The following FCRL5 variants were observed in gnomAD, a reference collection of about 807,000 sequenced individuals.
The protein encoded by FCRL5 is Fc receptor like 5.
A neutral mutation model predicts 92.1 loss-of-function variants in FCRL5; 79 were observed. That is an observed-to-expected ratio of 0.86 (90% CI 0.72 to 1.03). The LOEUF (loss-of-function observed/expected upper bound fraction) is 1.03. FCRL5 is among the 50% of genes least tolerant of loss of function. The pLI is 0.00. For synonymous variants in FCRL5, 466 were observed against 469.3 expected (o/e 0.99, Z 0.09); for missense variants, 1,160 against 1,181.1 (o/e 0.98, Z 0.26).
intron 1 of FCRL5, 96 bp from the exon 2 acceptor site, chr1:157,549,676 C>A (rs1651725691): frequency 1.8e-6 from 2 of 1,087,692 alleles, no homozygotes; most frequent in Non-Finnish European, 2.6e-6. Flanking sequence ...TATTACTTGT[C>A]CCTTTAAAAA....
At chr1:157,537,894 G>A (rs916662315) in intron 7 of FCRL5, among the ~76,000 whole-genome samples, 5 of 152,136 alleles carry the variant, frequency 3.3e-5, no homozygotes, top group African/African-American at 1.2e-4. Context: ...CCTTTCATCT[G>A]CTCCTGCAGC....
At chr1:157,539,062 G>A in intron 7 of FCRL5, 24 bp downstream of exon 7, 1 of 1,606,982 alleles carries the variant, frequency 6.2e-7, no homozygotes, top group Non-Finnish European at 8.5e-7. Flanking sequence ...AGGGGTGGGT[G>A]ATTGGCAGGA....
At chr1:157,545,302 T>C (rs777273939) in intron 3 of FCRL5, among the ~76,000 whole-genome samples, 1 of 152,170 alleles carries the variant, frequency 6.6e-6, no homozygotes, top group Non-Finnish European at 1.5e-5. Flanking sequence ...TCACCACCCA[T>C]GTTTTGGCAT....
intron 5 of FCRL5, among the ~76,000 whole-genome samples, chr1:157,543,727 G>A (rs1005256446): frequency 2.6e-5 from 4 of 152,188 alleles, no homozygotes; most frequent in Admixed American, 6.5e-5. Context: ...TTTGAAGGAA[G>A]GATGGTGCTG....
At chr1:157,524,646 C>A (rs1157154816) in intron 9 of FCRL5, 89 bp from the exon 10 acceptor site, 2 of 1,417,490 alleles carry the variant, frequency 1.4e-6, no homozygotes, top group Non-Finnish European at 1.9e-6. Context: ...GAATGTTTTT[C>A]TCAGTTTTTA....
intron 8 of FCRL5, among the ~76,000 whole-genome samples, chr1:157,530,312 A>G (rs1168225133): frequency 6.6e-6 from 1 of 152,216 alleles, no homozygotes; most frequent in Non-Finnish European, 1.5e-5. Context: ...TACACACAAT[A>G]AAGTATAACT....
intron 11 of FCRL5, 118 bp from the exon 12 acceptor site, chr1:157,520,665 A>T: frequency 1.4e-6 from 1 of 712,290 alleles, no homozygotes; most frequent in Non-Finnish European, 2.4e-6. Flanking sequence ...CCCGGCAGCT[A>T]AGCAGGGGCT....
rs201192568 is a variant in FCRL5 at position 157,549,530 on chromosome 1, C to T, written c.52+30G>A. The T allele has an allele frequency of 2.2e-4, 354 of 1,604,482 alleles. 1 individual carries two copies. Among genetic ancestry groups the T allele is most frequent in the Non-Finnish European group, 2.8e-4 (329 of 1,175,010 alleles). ...AGGAAGAGACACTCTTAACCAGAGA[C>T]GCTGAAGAGCCAAAGACAGGAGAAC... is the stretch of plus-strand genomic sequence containing the variant. On this transcript the variant is annotated intron_variant, in intron 2 of 16. Coordinates refer to ENST00000361835, the MANE Select transcript of FCRL5 (RefSeq NM_031281.3).
At chr1:157,532,063 A>G (rs1222526199) in intron 8 of FCRL5, 2 of 152,222 alleles carry the variant, frequency 1.3e-5, no homozygotes, top group Non-Finnish European at 2.9e-5. Context: ...TATGTATATC[A>G]AAATATCAAA....
chr1:157,537,869 A>G (rs1189740573), intron 7 of FCRL5, among the ~76,000 whole-genome samples: 3 of 152,106 alleles, frequency 2.0e-5, no homozygotes, highest in Non-Finnish European at 4.4e-5. Flanking sequence ...TCACTTTCCA[A>G]CTCAGATTGG....
At chr1:157,521,821 G>T (rs1020367932) in intron 10 of FCRL5, 11 of 152,470 alleles carry the variant, frequency 7.2e-5, no homozygotes, top group African/African-American at 2.7e-4. Flanking sequence ...CCAGCGATTT[G>T]GGAGTATGAG....
At position 157,552,408 on chromosome 1, in the gene FCRL5, C is replaced by T; in HGVS notation, c.-46G>A. On this transcript the variant is annotated 5_prime_UTR_variant, in exon 1 of 17. The change abolishes the stop of an existing upstream ORF in the 5' untranslated region. Transcript: ENST00000361835. ...GCTGAGATCAAAAGAGAAGTTTCCT[C>T]AATTCCAAAACAGGTTTGGACTTGA... The T allele has an allele frequency of 6.2e-7, 1 of 1,610,724 alleles. No homozygotes were observed.
At position 157,521,234 on chromosome 1, in the gene FCRL5, C is replaced by T; in HGVS notation, c.2298G>A (p.Gly766=). Residue 766 remains glycine, a synonymous_variant, in exon 11 of 17, where the codon GGG becomes GGA. Transcript: ENST00000361835. ...LRAPGTHAAV[G]DLLELHCEAL... Reference sequence around the variant, plus strand: ...CCTCACAGTGAAGCTCCAGCAGGTCCCCCACCGCAGCATGGGTCCCGGGAG... The same window carrying T: ...CCTCACAGTGAAGCTCCAGCAGGTCTCCCACCGCAGCATGGGTCCCGGGAG... 1 of 1,614,080 alleles carries T rather than the reference C, an allele frequency of 6.2e-7. No homozygotes were observed.
In FCRL5 at chr1:157,526,045, A is replaced by G. The variant is rs140006600; in HGVS notation, c.1961-1488T>C. ...AGGATCATCCAGACAAAGGATTTAGATAAGAGAAGAGGGCATAAGTCAAAG... is the reference window on the plus strand; with the variant it reads ...AGGATCATCCAGACAAAGGATTTAGGTAAGAGAAGAGGGCATAAGTCAAAG... On this transcript the variant is annotated intron_variant, in intron 9 of 16. Transcript: ENST00000361835. 1.4e-3 allele frequency among the ~76,000 whole-genome samples: 210 copies of G among 152,340 alleles called. 5 individuals carry two copies. In the East Asian group the frequency reaches 0.036, roughly 26 times the overall value.
intron 5 of FCRL5, among the ~76,000 whole-genome samples, chr1:157,543,997 AG>A (rs1651396000): frequency 6.6e-6 from 1 of 152,170 alleles, no homozygotes; most frequent in African/African-American, 2.4e-5. Flanking sequence ...AAATGATGTC[AG>A]GGAAGAGAAC....
chr1:157,534,512 T>C (rs773704252), intron 8 of FCRL5, 102 bp downstream of exon 8: 2 of 1,390,138 alleles, frequency 1.4e-6, no homozygotes, highest in Admixed American at 3.4e-5. Context: ...GGGGATTAAG[T>C]TGATTAGGGG....
chr1:157,515,938 C>G (rs1426159736), intron 15 of FCRL5, 65 bp from the exon 16 acceptor site: 1 of 1,587,160 alleles, frequency 6.3e-7, no homozygotes, highest in Non-Finnish European at 8.6e-7. Context: ...TGTGCCTGCG[C>G]TGTGGGGCCA....
intron 2 of FCRL5, among the ~76,000 whole-genome samples, chr1:157,547,580 G>A (rs1272206567): frequency 2.6e-5 from 4 of 152,206 alleles, no homozygotes; most frequent in African/African-American, 4.8e-5. Context: ...CTTTCCCTAA[G>A]AGAATAAATC....
chr1:157,517,608 T>C (rs1649987581), intron 15 of FCRL5, among the ~76,000 whole-genome samples: 2 of 152,126 alleles, frequency 1.3e-5, no homozygotes, highest in South Asian at 4.1e-4. Flanking sequence ...TGCAGGAAAG[T>C]GGATGGGCCT....
Sources: allele counts gnomAD v4.1 joint callset (sites outside exome capture counted in the v4.1 genomes callset), GRCh38; gene constraint gnomAD v4.1.1; transcripts MANE v1.5; gene names NCBI Gene and HGNC (gene_info 2026-07-23, HGNC 2026-07-21).